The following PPP2CB variants were observed in gnomAD, a reference collection of about 807,000 sequenced individuals.
The protein encoded by PPP2CB is protein phosphatase 2 catalytic subunit beta.
Under a neutral mutation model 39.1 loss-of-function variants are expected in PPP2CB, and 18 were observed. The ratio of observed to expected loss-of-function variants is 0.46; its 90% CI spans 0.32 to 0.68. The LOEUF (loss-of-function observed/expected upper bound fraction) is 0.68, where lower values mean the gene tolerates loss of function less well. PPP2CB is among the 30% of genes least tolerant of loss of function. The pLI, the probability that PPP2CB is intolerant of heterozygous loss-of-function variation, is 0.04. For synonymous variants in PPP2CB, 129 were observed against 133.8 expected (o/e 0.96, Z 0.25); for missense variants, 226 against 396.9 (o/e 0.57, Z 3.66).
At chr8:30,811,648 G>A (rs896088787) in intron 1 of PPP2CB, among the ~76,000 whole-genome samples, 3 of 150,322 alleles carry the variant, frequency 2.0e-5, no homozygotes, top group African/African-American at 4.9e-5. Context: ...GGCACCCGCC[G>A]TCACACCCTG....
intron 1 of PPP2CB, among the ~76,000 whole-genome samples, chr8:30,807,164 T>C (rs1418721652): frequency 1.3e-5 from 2 of 152,238 alleles, no homozygotes; most frequent in Non-Finnish European, 2.9e-5. Flanking sequence ...ATTTTATCAC[T>C]GCATTTTAGA....
chr8:30,796,190 T>A (rs1806522534), intron 3 of PPP2CB, among the ~76,000 whole-genome samples: 1 of 152,148 alleles, frequency 6.6e-6, no homozygotes, highest in Non-Finnish European at 1.5e-5. Context: ...CCAGGCAAAG[T>A]ATCGTCCTTT....
Position 30,786,122 on chromosome 8 carries a change from T to A in PPP2CB, c.*113A>T. On this transcript the variant is annotated 3_prime_UTR_variant, in exon 7 of 7. Transcript: ENST00000221138. ...TGATGTGGTTTAATGCCAAGACAGA[T>A]CCCAATTTGTTACAGAAACACATAG... The A allele has an allele frequency of 1.1e-6, 1 of 949,202 alleles. No homozygotes were observed. The highest frequency in any genetic ancestry group is 1.6e-6 in the Non-Finnish European group (1 of 621,862). The allele number at this position is 949,202 out of a possible 1,614,324, so 58.8% of individuals were successfully genotyped here. A position where few individuals can be genotyped will look rare whatever the true frequency, so the allele number is the denominator to read the frequency against.
At chr8:30,808,668 T>C (rs1018089298) in intron 1 of PPP2CB, among the ~76,000 whole-genome samples, 53 of 152,200 alleles carry the variant, frequency 3.5e-4, no homozygotes, top group African/African-American at 1.3e-3. Flanking sequence ...GGAGTAAAGA[T>C]ACTTCACACA....
Position 30,785,654 on chromosome 8 carries a change from C to T in PPP2CB, c.*581G>A. 5.4e-6 allele frequency: 1 copy of T among 184,976 alleles called. No homozygotes were observed. Among genetic ancestry groups the T allele is most frequent in the Non-Finnish European group, 1.1e-5 (1 of 88,334 alleles). 11.5% of individuals were successfully genotyped at this position (184,976 alleles called of 1,614,324 possible). A position where few individuals can be genotyped will look rare whatever the true frequency, so the allele number is the denominator to read the frequency against. On this transcript the variant is annotated 3_prime_UTR_variant, in exon 7 of 7. Transcript: ENST00000221138. ...TGAAAAGTTTATTTGCTGAGTACACCAAATAGGATGCAAGCACTGTCATGA... is the reference window on the plus strand; with the variant it reads ...TGAAAAGTTTATTTGCTGAGTACACTAAATAGGATGCAAGCACTGTCATGA...
At chr8:30,804,987 G>A (rs1243791169) in intron 1 of PPP2CB, among the ~76,000 whole-genome samples, 2 of 151,854 alleles carry the variant, frequency 1.3e-5, no homozygotes, top group African/African-American at 2.4e-5. Context: ...TTCATTAATC[G>A]TGTCCCCTCT....
intron 6 of PPP2CB, 191 bp downstream of exon 6, chr8:30,791,006 C>T: frequency 6.0e-6 from 3 of 500,544 alleles, no homozygotes; most frequent in East Asian, 3.7e-5. Context: ...CTGCTGTATG[C>T]CCTTAGGACA....
chr8:30,812,326 G>T lies in PPP2CB; in HGVS notation c.96C>A (p.Cys32Ter). 1 of 1,529,560 alleles carries T rather than the reference G, an allele frequency of 6.5e-7. No individual in the cohort carries two copies. Among genetic ancestry groups the T allele is most frequent in the Non-Finnish European group, 8.8e-7 (1 of 1,134,214 alleles). 94.7% of individuals were successfully genotyped at this position (1,529,560 alleles called of 1,614,324 possible). Residue 32 changes from cysteine to a stop codon, truncating the protein, a stop_gained, in exon 1 of 7, where the codon TGC becomes TGA. Transcript: ENST00000221138. LOFTEE classifies it high-confidence loss of function. ...GCCCCCGCGGCGCCCTCACCTTCTC[G>T]CACAGCGTCCGCACTTGGTTCTCGT... ...QLNENQVRTLCEKAKEILTKE... is the reference protein window; with the variant it reads ...QLNENQVRTL
intron 1 of PPP2CB, among the ~76,000 whole-genome samples, chr8:30,809,122 C>T (rs1022343419): frequency 2.0e-5 from 3 of 151,114 alleles, no homozygotes; most frequent in African/African-American, 4.9e-5. Flanking sequence ...CCATGTTGGC[C>T]AGGCTGGTCT....
At chr8:30,791,915 CAT>C (rs542204541) in intron 5 of PPP2CB, among the ~76,000 whole-genome samples, 2 of 151,386 alleles carry the variant, frequency 1.3e-5, no homozygotes, top group South Asian at 4.2e-4. Flanking sequence ...TGTGTATATA[CAT>C]ACACGTATAT....
At chr8:30,803,880 G>C (rs1806672843) in intron 1 of PPP2CB, among the ~76,000 whole-genome samples, 1 of 151,048 alleles carries the variant, frequency 6.6e-6, no homozygotes, top group South Asian at 2.1e-4. Flanking sequence ...GCAGTGGCGC[G>C]ATCTCCATCT....
intron 6 of PPP2CB, among the ~76,000 whole-genome samples, chr8:30,787,936 A>G (rs1042862435): frequency 2.6e-5 from 4 of 152,188 alleles, no homozygotes; most frequent in Non-Finnish European, 5.9e-5. Flanking sequence ...GTTTCTTTTT[A>G]GGAATTAGTA....
intron 5 of PPP2CB, chr8:30,792,989 T>C (rs1806463075): frequency 6.6e-6 from 1 of 152,176 alleles, no homozygotes; most frequent in Non-Finnish European, 1.5e-5. Context: ...CTGCAGGGAT[T>C]ATGTTGTTTA....
chr8:30,797,496 C>T lies in PPP2CB; in HGVS notation c.486+85G>A, dbSNP rs1806546578. ...GCCGAGGAGATGCAGAAACACAGGTCATATGAATCTAGACCCCAGCTTACC... is the reference window on the plus strand; with the variant it reads ...GCCGAGGAGATGCAGAAACACAGGTTATATGAATCTAGACCCCAGCTTACC... On this transcript the variant is annotated intron_variant, in intron 3 of 6. Coordinates refer to ENST00000221138, the MANE Select transcript of PPP2CB (RefSeq NM_001009552.2). The T allele has an allele frequency of 3.0e-6, 4 of 1,311,796 alleles. No homozygotes were observed. The East Asian group carries it at 9.7e-5, about 32-fold the overall frequency. The allele number at this position is 1,311,796 out of a possible 1,614,324, so 81.3% of individuals were successfully genotyped here.
Position 30,808,342 on chromosome 8 carries a change from G to A in PPP2CB, c.102+3978C>T, listed in dbSNP as rs183085908. Among the ~76,000 whole-genome samples, 679 of 151,866 alleles carry A rather than the reference G, an allele frequency of 4.5e-3. 3 individuals are homozygous for A. Among genetic ancestry groups the A allele is most frequent in the Non-Finnish European group, 7.7e-3 (526 of 67,964 alleles). The stretch of plus-strand genomic sequence containing the variant: ...TCGAACTCCTGAGCTCAGACAATCC[G>A]CCCACCTCGACCTCCCAAAGTGCTA... On this transcript the variant is annotated intron_variant, in intron 1 of 6. Coordinates refer to ENST00000221138, the MANE Select transcript of PPP2CB (RefSeq NM_001009552.2).
intron 1 of PPP2CB, chr8:30,810,124 T>C (rs1281745171): frequency 6.6e-6 from 1 of 152,240 alleles, no homozygotes; most frequent in African/African-American, 2.4e-5. Flanking sequence ...ACAGCAGTGG[T>C]ACAATATTCT....
At chr8:30,811,840 A>G (rs891238218) in intron 1 of PPP2CB, among the ~76,000 whole-genome samples, 3 of 152,080 alleles carry the variant, frequency 2.0e-5, no homozygotes, top group Non-Finnish European at 4.4e-5. Context: ...TCACCTGACA[A>G]AAATTCTGCA....
chr8:30,803,969 C>T (rs1347127378), intron 1 of PPP2CB, among the ~76,000 whole-genome samples: 2 of 152,002 alleles, frequency 1.3e-5, no homozygotes, highest in African/African-American at 2.4e-5. Context: ...ATTACAGGCG[C>T]GTGCCACCAC....
At position 30,797,587 on chromosome 8, in the gene PPP2CB, A is replaced by G. The variant is rs762147715; in HGVS notation, c.480T>C (p.Asp160=). The G allele has an allele frequency of 2.2e-5, 35 of 1,612,226 alleles. No individual in the cohort carries two copies. In the South Asian group the frequency reaches 2.3e-4, roughly 11 times the overall value. The part of the protein sequence containing the change: ...FDYLPLTALV[D]GQIFCLHGGL... The stretch of plus-strand genomic sequence containing the variant: ...TAAGCACACATATACATACCTGTCC[A>G]TCTACTAAAGCTGTAAGTGGAAGAT... The change falls in exon 3 of 7, where the codon GAT becomes GAC. Residue 160 remains aspartate (D), a synonymous_variant. Transcript: ENST00000221138.
Sources: gnomAD v4.1 joint callset for allele counts (sites outside exome capture counted in the v4.1 genomes callset) on GRCh38, gnomAD v4.1.1 for gene constraint, MANE v1.5 for transcripts, NCBI Gene and HGNC (gene_info 2026-07-23, HGNC 2026-07-21) for gene names.